GSE1: variants seen among roughly 807,000 people sequenced by gnomAD.
The protein encoded by GSE1 is Gse1 coiled-coil protein, also known as genetic suppressor element 1.
In GSE1, 32 loss-of-function variants were observed where a neutral mutation model predicts 112.6. The ratio of observed to expected loss-of-function variants is 0.28; its 90% CI spans 0.21 to 0.38. The LOEUF is 0.38. Among genes scored for constraint, GSE1 ranks in the 10% least tolerant of loss-of-function variants. The pLI, the probability that GSE1 is intolerant of heterozygous loss-of-function variation, is 1.00. For missense variants in GSE1, 2,348 were observed against 1,699.2 expected (o/e 1.38, Z -6.71); for synonymous variants, 1,115 against 735.6 (o/e 1.52, Z -8.35).
At chr16:85,173,023 C>G (rs188412316) in intron 1 of GSE1, among the ~76,000 whole-genome samples, 218 of 152,316 alleles carry the variant, frequency 1.4e-3, no homozygotes, top group African/African-American at 5.1e-3. Flanking sequence ...GGGATGGTCT[C>G]TCGTTTTAAT....
intron 2 of GSE1, among the ~76,000 whole-genome samples, chr16:85,645,949 A>G (rs923106822): frequency 6.7e-6 from 1 of 150,266 alleles, no homozygotes; most frequent in Non-Finnish European, 1.5e-5. Context: ...CACGCATTCT[A>G]CCTGCTTCTA....
rs1163708408 is a variant in GSE1, at chr16:85,407,891, A to T, written c.2464+50248A>T. 7.1e-4 allele frequency among the ~76,000 whole-genome samples: 13 copies of T among 18,246 alleles called. 2 individuals are homozygous for T. Among genetic ancestry groups the T allele is most frequent in the Admixed American group, 9.6e-4 (2 of 2,084 alleles). The allele number at this position is 18,246 out of a possible 152,430, so 12.0% of individuals were successfully genotyped here. Reference sequence around the variant, plus strand: ...CCCCCCGGATAATCCTCACCGTTACACTCAGGGCCCCCCTGGATAATCCTC... The same window carrying T: ...CCCCCCGGATAATCCTCACCGTTACTCTCAGGGCCCCCCTGGATAATCCTC... On this transcript the variant is annotated intron_variant, in intron 2 of 2. Coordinates refer to the GSE1 transcript ENST00000637419.
At chr16:85,427,403 A>G (rs1181722390) in intron 2 of GSE1, among the ~76,000 whole-genome samples, 1 of 152,192 alleles carries the variant, frequency 6.6e-6, no homozygotes, top group African/African-American at 2.4e-5. Flanking sequence ...GCACTTTGGG[A>G]GGCTGAGGTG....
intron 2 of GSE1, among the ~76,000 whole-genome samples, chr16:85,443,311 C>T (rs1360804060): frequency 6.6e-6 from 1 of 152,232 alleles, no homozygotes; most frequent in Non-Finnish European, 1.5e-5. Context: ...CCCTTTGGTC[C>T]CTGTACCCCA....
intron 2 of GSE1, among the ~76,000 whole-genome samples, chr16:85,370,077 C>T (rs572327683): frequency 2.0e-5 from 3 of 152,252 alleles, no homozygotes; most frequent in African/African-American, 4.8e-5. Context: ...GCCACCCTTG[C>T]GGGGCAGGGG....
At chr16:85,402,395 G>C (rs1597612795) in intron 2 of GSE1, among the ~76,000 whole-genome samples, 1 of 152,340 alleles carries the variant, frequency 6.6e-6, no homozygotes, top group East Asian at 1.9e-4. Flanking sequence ...TTGCAGAAGG[G>C]AGCGCACAGC....
At chr16:85,589,722 T>C (rs1453914225) in intron 1 of GSE1, among the ~76,000 whole-genome samples, 1 of 152,192 alleles carries the variant, frequency 6.6e-6, no homozygotes, top group East Asian at 1.9e-4. Flanking sequence ...AACGTGTGAA[T>C]GTGACTGTGT....
intron 2 of GSE1, among the ~76,000 whole-genome samples, chr16:85,365,865 C>T (rs763409160): frequency 1.1e-4 from 17 of 152,222 alleles, no homozygotes; most frequent in Non-Finnish European, 2.2e-4. Context: ...GGCTCTGCTC[C>T]TTTGGAGCTT....
intron 2 of GSE1, among the ~76,000 whole-genome samples, chr16:85,424,277 A>G (rs955278443): frequency 1.3e-5 from 2 of 152,234 alleles, no homozygotes; most frequent in Non-Finnish European, 2.9e-5. Flanking sequence ...GCGTACAGAC[A>G]TCTTACCCAG....
rs1208638245 is a variant in GSE1 at position 85,257,518 on chromosome 16, T to C, written c.2283+85711T>C. On this transcript the variant is annotated intron_variant, in intron 1 of 2. Transcript: ENST00000637419. ...AGGAAGGATGTTTCTTATATACTTGTAACTTGATTTACAGAAGTCTTAAAA... is the reference window on the plus strand; with the variant it reads ...AGGAAGGATGTTTCTTATATACTTGCAACTTGATTTACAGAAGTCTTAAAA... Among the ~76,000 whole-genome samples the C allele has an allele frequency of 9.9e-5, 15 of 152,250 alleles. 1 individual carries two copies. The highest frequency in any genetic ancestry group is 1.5e-5 in the Non-Finnish European group (1 of 68,050).
At chr16:85,294,390 G>A (rs1462010007) in intron 1 of GSE1, among the ~76,000 whole-genome samples, 1 of 152,220 alleles carries the variant, frequency 6.6e-6, no homozygotes. Context: ...TGCAGGCCCT[G>A]CTGGCCCTTG....
intron 2 of GSE1, among the ~76,000 whole-genome samples, chr16:85,372,390 G>C (rs2047319483): frequency 6.6e-6 from 1 of 150,888 alleles, no homozygotes; most frequent in Non-Finnish European, 1.5e-5. Context: ...GAGGTGGGAG[G>C]CTCACCTTAG....
intron 1 of GSE1, among the ~76,000 whole-genome samples, chr16:85,627,960 T>A (rs1362419649): frequency 1.3e-5 from 2 of 152,254 alleles, no homozygotes; most frequent in Admixed American, 6.5e-5. Context: ...TCGGTCTCCC[T>A]GGGGAGGGCT....
chr16:85,460,849 C>T (rs1389819012), intron 2 of GSE1, among the ~76,000 whole-genome samples: 1 of 152,336 alleles, frequency 6.6e-6, no homozygotes, highest in East Asian at 1.9e-4. Flanking sequence ...TCTGCCAGAG[C>T]AGTTCAGACC....
At chr16:85,582,387 C>T (rs1567613236) in intron 1 of GSE1, among the ~76,000 whole-genome samples, 2 of 152,342 alleles carry the variant, frequency 1.3e-5, no homozygotes, top group South Asian at 2.1e-4. Flanking sequence ...GAAGCCCCCA[C>T]GTGCTGGGTT....
chr16:85,565,420 A>AAAAAC, intron 1 of GSE1, among the ~76,000 whole-genome samples: 1 of 151,834 alleles, frequency 6.6e-6, no homozygotes, highest in African/African-American at 2.4e-5. Context: ...AAAAAACAAA[A>AAAAAC]AAACCACCAA....
chr16:85,455,723 A>G (rs764620949), intron 2 of GSE1, among the ~76,000 whole-genome samples: 2 of 152,188 alleles, frequency 1.3e-5, no homozygotes, highest in Non-Finnish European at 2.9e-5. Context: ...AAGACTTCCC[A>G]CATTGGGGAG....
intron 2 of GSE1, among the ~76,000 whole-genome samples, chr16:85,399,703 C>T (rs1005823736): frequency 3.9e-5 from 6 of 152,176 alleles, no homozygotes; most frequent in Admixed American, 3.9e-4. Context: ...TGGGGGATGC[C>T]GCAGACAGTG....
At chr16:85,258,667 G>A (rs1336165076) in intron 1 of GSE1, among the ~76,000 whole-genome samples, 1 of 152,098 alleles carries the variant, frequency 6.6e-6, no homozygotes, top group East Asian at 1.9e-4. Flanking sequence ...TTGTCAAAGC[G>A]GTCGGGCCTG....
Sources: gnomAD v4.1 joint callset for allele counts (sites outside exome capture counted in the v4.1 genomes callset) on GRCh38, gnomAD v4.1.1 for gene constraint, MANE v1.5 for transcripts, NCBI Gene and HGNC (gene_info 2026-07-23, HGNC 2026-07-21) for gene names.